The following TCF4 variants were observed in gnomAD, a reference collection of about 807,000 sequenced individuals.
The protein encoded by TCF4 is SL3-3 enhancer factor 2.
In TCF4, 3 loss-of-function variants were observed where a neutral mutation model predicts 82.1. The observed-to-expected ratio is 0.04, with a 90% CI of 0.02 to 0.09. The LOEUF is 0.09. Among genes scored for constraint, TCF4 ranks in the 10% least tolerant of loss-of-function variants. The pLI, the probability that TCF4 is intolerant of heterozygous loss-of-function variation, is 1.00. For missense variants in TCF4, 518 were observed against 852.7 expected, an observed-to-expected ratio of 0.61 and a Z score of 4.89; for synonymous variants, 276 against 309.6, an observed-to-expected ratio of 0.89 and a Z score of 1.14.
chr18:55,619,628 A>G (rs901064680), intron 2 of TCF4, among the ~76,000 whole-genome samples: 1 of 152,236 alleles, frequency 6.6e-6, no homozygotes, highest in Non-Finnish European at 1.5e-5. Flanking sequence ...ATATAGTTTT[A>G]AAAAGTGCCT....
chr18:55,405,983 G>A (rs1041811354), intron 5 of TCF4, among the ~76,000 whole-genome samples: 1 of 152,144 alleles, frequency 6.6e-6, no homozygotes, highest in Non-Finnish European at 1.5e-5. Flanking sequence ...TTGTGTGGGG[G>A]AGGATAAGAG....
intron 3 of TCF4, among the ~76,000 whole-genome samples, chr18:55,511,190 C>T (rs771298405): frequency 3.3e-5 from 5 of 151,924 alleles, no homozygotes; most frequent in Admixed American, 6.6e-5. Flanking sequence ...ACACAATACA[C>T]GGAATTATTT....
chr18:55,587,208 G>A, intron 1 of TCF4, 72 bp from the exon 2 acceptor site: 1 of 826,914 alleles, frequency 1.2e-6, no homozygotes, highest in Non-Finnish European at 1.8e-6. Context: ...TCGGATTTTT[G>A]GAGACTGGGG....
intron 3 of TCF4, chr18:55,482,267 G>T (rs527685911): frequency 6.6e-6 from 1 of 152,162 alleles, no homozygotes; most frequent in Non-Finnish European, 1.5e-5. Flanking sequence ...CTATAAAAGA[G>T]CAAAATTCCT....
chr18:55,380,761 G>A (rs1267006320), intron 6 of TCF4, among the ~76,000 whole-genome samples: 1 of 152,180 alleles, frequency 6.6e-6, no homozygotes. Flanking sequence ...GCTACCAATG[G>A]TTTAACAAAC....
upstream of TCF4, among the ~76,000 whole-genome samples, chr18:55,592,991 C>G (rs1201593342): frequency 1.3e-5 from 2 of 152,122 alleles, no homozygotes; most frequent in African/African-American, 4.8e-5. Flanking sequence ...GTGAGCTAAC[C>G]TAAGTACTTT....
intron 3 of TCF4, among the ~76,000 whole-genome samples, chr18:55,478,453 G>C (rs2096348323): frequency 6.6e-6 from 1 of 152,096 alleles, no homozygotes; most frequent in African/African-American, 2.4e-5. Context: ...CATTCCTTCT[G>C]CTTTACTCAA....
intron 1 of TCF4, chr18:55,631,487 T>A: frequency 7.5e-7 from 1 of 1,327,064 alleles, no homozygotes; most frequent in Non-Finnish European, 1.0e-6. Flanking sequence ...GATAATGTTT[T>A]GGGTTAGGGT....
intron 3 of TCF4, chr18:55,510,719 G>A: frequency 7.1e-7 from 1 of 1,409,272 alleles, no homozygotes; most frequent in South Asian, 1.5e-5. Context: ...TCTTTTAAGG[G>A]GCCTTCCTTG....
intron 6 of TCF4, among the ~76,000 whole-genome samples, chr18:55,353,389 A>ATATG (rs2082719022): frequency 6.6e-6 from 1 of 152,182 alleles, no homozygotes; most frequent in East Asian, 1.9e-4. Context: ...TAGCACTAGG[A>ATATG]CCAGATAGCA....
At chr18:55,554,145 C>A (rs2097283744) in intron 3 of TCF4, among the ~76,000 whole-genome samples, 1 of 152,030 alleles carries the variant, frequency 6.6e-6, no homozygotes, top group East Asian at 1.9e-4. Context: ...GATGACAGAA[C>A]CCTAATTCTA....
At chr18:55,306,962 C>A (rs2070583939) in intron 8 of TCF4, among the ~76,000 whole-genome samples, 1 of 152,058 alleles carries the variant, frequency 6.6e-6, no homozygotes, top group South Asian at 2.1e-4. Flanking sequence ...GCAATAACAC[C>A]ACCAAAAAAG....
At chr18:55,620,717 T>C (rs1314153151) in intron 2 of TCF4, among the ~76,000 whole-genome samples, 3 of 152,158 alleles carry the variant, frequency 2.0e-5, no homozygotes, top group African/African-American at 7.2e-5. Context: ...CCCTTGCTTG[T>C]TTCTTATCTT....
rs532806691 is a variant in TCF4 at position 55,325,620 on chromosome 18, G to A, written c.549+24739C>T. Among the ~76,000 whole-genome samples, 57 of 152,250 alleles carry A rather than the reference G, an allele frequency of 3.7e-4. 1 individual carries two copies. The highest frequency in any genetic ancestry group is 1.3e-3 in the African/African-American group (56 of 41,552). ...AAGGAATTCCCATTTTTCTCCTCCC[G>A]AATATAACTTGGTAGAATTTGAACA... On this transcript the variant is annotated intron_variant, in intron 8 of 19. Coordinates refer to ENST00000354452, the MANE Select transcript of TCF4 (RefSeq NM_001083962.2).
intron 3 of TCF4, among the ~76,000 whole-genome samples, chr18:55,538,063 C>T (rs1200931104): frequency 6.6e-6 from 1 of 151,830 alleles, no homozygotes; most frequent in Non-Finnish European, 1.5e-5. Flanking sequence ...CACACACACA[C>T]ACACGTCATT....
chr18:55,508,098 G>A (rs568439336), intron 3 of TCF4, among the ~76,000 whole-genome samples: 91 of 152,134 alleles, frequency 6.0e-4, no homozygotes, highest in African/African-American at 2.1e-3. Context: ...AAAGGCAGCC[G>A]GGGAAATGTA....
At chr18:55,594,814 A>G (rs2097689216) in intron 2 of TCF4, among the ~76,000 whole-genome samples, 1 of 152,242 alleles carries the variant, frequency 6.6e-6, no homozygotes, top group Non-Finnish European at 1.5e-5. Context: ...ACGCAGCCGC[A>G]TATGGCAGAG....
At chr18:55,569,044 C>T (rs2097435145) in intron 3 of TCF4, among the ~76,000 whole-genome samples, 1 of 152,054 alleles carries the variant, frequency 6.6e-6, no homozygotes, top group South Asian at 2.1e-4. Context: ...AATACCTGTT[C>T]ATGATAAAAA....
intron 15 of TCF4, among the ~76,000 whole-genome samples, chr18:55,251,804 C>A (rs2055210391): frequency 6.6e-6 from 1 of 152,142 alleles, no homozygotes; most frequent in Non-Finnish European, 1.5e-5. Flanking sequence ...ATACCTCCCA[C>A]GGCTACTTTA....
Sources: gnomAD v4.1 joint callset for allele counts (sites outside exome capture counted in the v4.1 genomes callset) on GRCh38, gnomAD v4.1.1 for gene constraint, MANE v1.5 for transcripts, NCBI Gene and HGNC (gene_info 2026-07-23, HGNC 2026-07-21) for gene names.